Variants in NRXN3 observed in about 807,000 individuals in gnomAD.
The protein encoded by NRXN3 is neurexin III.
A neutral mutation model predicts 137.6 loss-of-function variants in NRXN3; 32 were observed. The ratio of observed to expected loss-of-function variants is 0.23; its 90% CI spans 0.18 to 0.31. The LOEUF (loss-of-function observed/expected upper bound fraction) is 0.31. Among genes scored for constraint, NRXN3 ranks in the 10% least tolerant of loss-of-function variants. The pLI is 1.00. For synonymous variants in NRXN3, 798 were observed against 784.5 expected (o/e 1.02, Z -0.29); for missense variants, 1,574 against 2,062.5 (o/e 0.76, Z 4.59).
At chr14:79,505,478 C>T (rs1297629671) in intron 16 of NRXN3, among the ~76,000 whole-genome samples, 3 of 152,122 alleles carry the variant, frequency 2.0e-5, no homozygotes, top group Admixed American at 1.3e-4. Flanking sequence ...ATTTTATGGA[C>T]TAAGACTAAA....
At chr14:78,294,326 G>A (rs1314428953) in intron 3 of NRXN3, among the ~76,000 whole-genome samples, 2 of 152,046 alleles carry the variant, frequency 1.3e-5, no homozygotes, top group South Asian at 2.1e-4. Context: ...AGGCTGCAGC[G>A]GGCAGATCAC....
At chr14:79,515,235 A>G (rs1422630079) in intron 16 of NRXN3, among the ~76,000 whole-genome samples, 1 of 150,454 alleles carries the variant, frequency 6.6e-6, no homozygotes. Context: ...GATGAGGCAT[A>G]GGGAAAAGGT....
At chr14:79,059,816 A>C (rs898850563) in intron 15 of NRXN3, among the ~76,000 whole-genome samples, 1 of 152,220 alleles carries the variant, frequency 6.6e-6, no homozygotes, top group Admixed American at 6.5e-5. Context: ...CAATGAGCCT[A>C]TTACTCTTGA....
chr14:79,451,363 T>TCATAATAAA (rs1378673683), intron 15 of NRXN3, among the ~76,000 whole-genome samples: 1 of 152,164 alleles, frequency 6.6e-6, no homozygotes, highest in African/African-American at 2.4e-5. Flanking sequence ...TGTGATTTCC[T>TCATAATAAA]CATAATAAAC....
intron 15 of NRXN3, among the ~76,000 whole-genome samples, chr14:79,399,392 G>GA (rs1282603930): frequency 1.3e-5 from 2 of 151,790 alleles, no homozygotes; most frequent in Non-Finnish European, 2.9e-5. Flanking sequence ...CTGGAAGCAA[G>GA]AAAAAAAATG....
rs570015240 is a variant in NRXN3 at position 79,304,156 on chromosome 14, G to A, written c.3263-163065G>A. Among the ~76,000 whole-genome samples, 7 of 152,188 alleles carry A rather than the reference G, an allele frequency of 4.6e-5. No individual in the cohort carries two copies. In the South Asian group the frequency reaches 1.5e-3, roughly 32 times the overall value. On this transcript the variant is annotated intron_variant, in intron 15 of 20. Coordinates refer to ENST00000335750, the MANE Select transcript of NRXN3 (RefSeq NM_001330195.2). ...ATTTAGTCATAGAGATTGGTGGTGT[G>A]GGATGAAAATGCCTAGAGAGTAGGT...
chr14:78,729,778 G>C (rs916026249), intron 8 of NRXN3, among the ~76,000 whole-genome samples: 1 of 152,074 alleles, frequency 6.6e-6, no homozygotes, highest in South Asian at 2.1e-4. Context: ...TCTAATTTTT[G>C]CTTTGCTCAT....
intron 15 of NRXN3, among the ~76,000 whole-genome samples, chr14:79,442,210 T>C (rs771627682): frequency 5.3e-5 from 8 of 152,244 alleles, no homozygotes; most frequent in South Asian, 4.1e-4. Flanking sequence ...GATATAAGCA[T>C]TGTTTTGTTT....
intron 4 of NRXN3, among the ~76,000 whole-genome samples, chr14:78,447,291 T>C (rs1315658264): frequency 6.6e-6 from 1 of 152,256 alleles, no homozygotes; most frequent in Admixed American, 6.5e-5. Flanking sequence ...GGGATATGAA[T>C]GCATAGTATG....
intron 15 of NRXN3, among the ~76,000 whole-genome samples, chr14:79,152,873 A>G (rs2059926424): frequency 6.6e-6 from 1 of 151,988 alleles, no homozygotes; most frequent in African/African-American, 2.4e-5. Flanking sequence ...ACTTTACTTA[A>G]AAAGTGTAAT....
At chr14:78,546,251 C>G (rs2096635688) in intron 4 of NRXN3, among the ~76,000 whole-genome samples, 1 of 152,134 alleles carries the variant, frequency 6.6e-6, no homozygotes, top group South Asian at 2.1e-4. Context: ...TTAAATTGTG[C>G]CAGCTGAGAA....
At chr14:79,744,207 G>A (rs141913291) in intron 19 of NRXN3, among the ~76,000 whole-genome samples, 284 of 152,246 alleles carry the variant, frequency 1.9e-3, no homozygotes, top group African/African-American at 4.9e-3. Context: ...TCAATATGTC[G>A]TGAACAAGGG....
intron 20 of NRXN3, among the ~76,000 whole-genome samples, chr14:79,836,105 A>G (rs993974510): frequency 6.6e-6 from 1 of 151,970 alleles, no homozygotes; most frequent in Non-Finnish European, 1.5e-5. Context: ...TTGTAATATT[A>G]TAGAGAGAAG....
chr14:78,228,936 G>A (rs529271830), intron 1 of NRXN3, among the ~76,000 whole-genome samples: 1 of 152,272 alleles, frequency 6.6e-6, no homozygotes, highest in Non-Finnish European at 1.5e-5. Context: ...TGTGAGGTTG[G>A]CAAAAGTTAT....
At chr14:78,470,658 C>T (rs2095244612) in intron 4 of NRXN3, among the ~76,000 whole-genome samples, 1 of 151,016 alleles carries the variant, frequency 6.6e-6, no homozygotes, top group African/African-American at 2.4e-5. Flanking sequence ...AGAATGAATA[C>T]AATAGATAAA....
chr14:78,981,978 C>G (rs147759554), intron 14 of NRXN3, among the ~76,000 whole-genome samples: 232 of 152,266 alleles, frequency 1.5e-3, no homozygotes, highest in African/African-American at 5.3e-3. Context: ...AGCCCAGACT[C>G]TCATTCATTC....
intron 15 of NRXN3, among the ~76,000 whole-genome samples, chr14:79,203,109 C>G (rs146787023): frequency 2.0e-5 from 3 of 152,216 alleles, no homozygotes; most frequent in Non-Finnish European, 4.4e-5. Flanking sequence ...AATCTTTCTT[C>G]CCATACCTTT....
intron 4 of NRXN3, among the ~76,000 whole-genome samples, chr14:78,328,599 AT>A (rs1258848973): frequency 6.6e-6 from 1 of 152,216 alleles, no homozygotes; most frequent in Non-Finnish European, 1.5e-5. Context: ...TTTCACAAGT[AT>A]TTGTGTTCAA....
At chr14:78,821,301 C>T (rs2098950036) in intron 10 of NRXN3, among the ~76,000 whole-genome samples, 1 of 152,116 alleles carries the variant, frequency 6.6e-6, no homozygotes, top group Non-Finnish European at 1.5e-5. Context: ...AAACAGAGGG[C>T]TGCTCCTCTG....
Sources: allele counts gnomAD v4.1 joint callset (sites outside exome capture counted in the v4.1 genomes callset), GRCh38; gene constraint gnomAD v4.1.1; transcripts MANE v1.5; gene names NCBI Gene and HGNC (gene_info 2026-07-23, HGNC 2026-07-21).